Variants in TAFA3 observed in about 807,000 individuals in gnomAD.
TAFA3 encodes the protein chemokine-like protein TAFA-3.
In TAFA3, 17 loss-of-function variants were observed where a neutral mutation model predicts 20.7. That is an observed-to-expected ratio of 0.82 (90% CI 0.56 to 1.23). TAFA3 has a LOEUF of 1.23. Among genes scored for constraint, TAFA3 ranks in the 50% most tolerant of loss-of-function variants. The pLI is 0.00. For missense variants in TAFA3, 174 were observed against 172.8 expected (o/e 1.01, Z -0.04); for synonymous variants, 74 against 71.8 (o/e 1.03, Z -0.16).
intron 2 of TAFA3, among the ~76,000 whole-genome samples, chr1:112,721,019 T>C (rs1675314971): frequency 6.6e-6 from 1 of 152,208 alleles, no homozygotes; most frequent in South Asian, 2.1e-4. Flanking sequence ...GCTTCTAGGC[T>C]CTGAACTCTT....
Sources: allele counts gnomAD v4.1 joint callset (sites outside exome capture counted in the v4.1 genomes callset), GRCh38; gene constraint gnomAD v4.1.1; transcripts MANE v1.5; gene names NCBI Gene and HGNC (gene_info 2026-07-23, HGNC 2026-07-21).